The following KCNIP1 variants were observed in gnomAD, a reference collection of about 807,000 sequenced individuals.
KCNIP1 encodes the protein potassium voltage-gated channel interacting protein 1.
A neutral mutation model predicts 33.0 loss-of-function variants in KCNIP1; 18 were observed. The ratio of observed to expected loss-of-function variants is 0.55; its 90% confidence interval spans 0.38 to 0.81. KCNIP1 has a LOEUF of 0.81. Among genes scored for constraint, KCNIP1 ranks in the 30% least tolerant of loss-of-function variants. The pLI, the probability that KCNIP1 is intolerant of heterozygous loss-of-function variation, is 0.00. For synonymous variants in KCNIP1, 93 were observed against 98.3 expected (o/e 0.95, Z 0.32); for missense variants, 238 against 271.6 (o/e 0.88, Z 0.87).
At chr5:170,378,750 A>T in intron 1 of KCNIP1, 1 of 1,614,102 alleles carries the variant, frequency 6.2e-7, no homozygotes, top group Middle Eastern at 1.6e-4. Flanking sequence ...GCTCTTCACC[A>T]TGGCGATAAT....
At chr5:170,532,312 T>C (rs2113349187) in intron 1 of KCNIP1, among the ~76,000 whole-genome samples, 1 of 152,280 alleles carries the variant, frequency 6.6e-6, no homozygotes, top group Admixed American at 6.5e-5. Flanking sequence ...CAACTTAGGT[T>C]CCCCTCCCTA....
In KCNIP1 at chr5:170,600,561, A is replaced by G. The variant is rs557292729; in HGVS notation, c.61+95928A>G. On this transcript the variant is annotated intron_variant, in intron 1 of 7. Transcript: ENST00000328939. ...CCCACGCCTACCTCCTCTCTACCTC[A>G]CCCACCCTGGACAGACCCTCACACC... is the stretch of plus-strand genomic sequence containing the variant. Among the ~76,000 whole-genome samples the G allele has an allele frequency of 3.1e-4, 47 of 151,628 alleles. 1 individual carries two copies. The highest frequency in any genetic ancestry group is 6.8e-3 in the Middle Eastern group (2 of 294).
intron 1 of KCNIP1, chr5:170,383,460 T>A (rs1764334612): frequency 3.2e-6 from 2 of 621,062 alleles, no homozygotes. Context: ...AGAGGCTAAG[T>A]GGCCTGCCTA....
At chr5:170,481,529 C>CA (rs1371855002) in intron 1 of KCNIP1, among the ~76,000 whole-genome samples, 1 of 152,178 alleles carries the variant, frequency 6.6e-6, no homozygotes, top group Non-Finnish European at 1.5e-5. Context: ...GTAAAAATGT[C>CA]AAACACATTT....
At chr5:170,580,569 G>T (rs1007937379) in intron 1 of KCNIP1, among the ~76,000 whole-genome samples, 1 of 152,126 alleles carries the variant, frequency 6.6e-6, no homozygotes, top group African/African-American at 2.4e-5. Context: ...ACCATACCCG[G>T]ATGGTCATGT....
At chr5:170,705,382 A>C (rs1763224137) in intron 1 of KCNIP1, among the ~76,000 whole-genome samples, 1 of 152,192 alleles carries the variant, frequency 6.6e-6, no homozygotes, top group Admixed American at 6.5e-5. Flanking sequence ...TTCATGTTCC[A>C]GTGGAGGGTA....
Position 170,715,610 on chromosome 5 carries a change from A to G in KCNIP1, c.62-3148A>G, listed in dbSNP as rs372864737. ...TTAGAAAATCACTTCTTAATATCAC[A>G]TGCGCAGGGCAATGGTCCCCTCACT... On this transcript the variant is annotated intron_variant, in intron 1 of 7. Coordinates refer to ENST00000328939, the MANE Select transcript of KCNIP1 (RefSeq NM_014592.4). Among the ~76,000 whole-genome samples, 3 of 152,326 alleles carry G rather than the reference A, an allele frequency of 2.0e-5. No individual in the cohort carries two copies. In the South Asian group the frequency reaches 6.2e-4, roughly 32 times the overall value.
chr5:170,424,986 A>C (rs2113436147), intron 1 of KCNIP1, among the ~76,000 whole-genome samples: 1 of 151,988 alleles, frequency 6.6e-6, no homozygotes, highest in South Asian at 2.1e-4. Context: ...TCCTCCTCAG[A>C]CCCTTCCCAT....
At chr5:170,391,590 T>A (rs1329026329) in intron 1 of KCNIP1, among the ~76,000 whole-genome samples, 1 of 152,162 alleles carries the variant, frequency 6.6e-6, no homozygotes, top group Admixed American at 6.5e-5. Flanking sequence ...TAGTACGGGG[T>A]GTCAGAGATC....
chr5:170,640,774 C>T (rs928892828), intron 1 of KCNIP1, among the ~76,000 whole-genome samples: 1 of 152,170 alleles, frequency 6.6e-6, no homozygotes, highest in African/African-American at 2.4e-5. Flanking sequence ...CCCCAACACG[C>T]CTTCTTGTCT....
chr5:170,356,886 G>A (rs1400658400), intron 1 of KCNIP1, among the ~76,000 whole-genome samples: 1 of 152,186 alleles, frequency 6.6e-6, no homozygotes. Flanking sequence ...GCTCTCTGAA[G>A]TCTGTTTAGC....
chr5:170,656,122 G>A (rs891388304), intron 1 of KCNIP1, among the ~76,000 whole-genome samples: 3 of 152,172 alleles, frequency 2.0e-5, no homozygotes, highest in Non-Finnish European at 4.4e-5. Flanking sequence ...CAGGGAGGAT[G>A]TGACCTCTAA....
chr5:170,395,295 C>A (rs1050901535), intron 1 of KCNIP1, among the ~76,000 whole-genome samples: 1 of 152,182 alleles, frequency 6.6e-6, no homozygotes, highest in Admixed American at 6.5e-5. Flanking sequence ...GCTATTCTGA[C>A]TGGTACGAGG....
At position 170,426,247 on chromosome 5, in the gene KCNIP1, T is replaced by TCACACACACACA. The variant is rs143211356; in HGVS notation, c.88+72298_88+72309dup. The stretch of plus-strand genomic sequence containing the variant: ...CTAATGCTTTGTGACTCAAAAGGAA[T>TCACACACACACA]CACACACACACACACACACACACAC... On this transcript the variant is annotated intron_variant, in intron 1 of 7. Coordinates refer to the KCNIP1 transcript ENST00000377360. Among the ~76,000 whole-genome samples, 1,361 of 149,252 alleles carry TCACACACACACA rather than the reference T, an allele frequency of 9.1e-3. 8 individuals are homozygous for TCACACACACACA. The highest frequency in any genetic ancestry group is 0.013 in the African/African-American group (534 of 40,390).
At chr5:170,473,482 A>G (rs1479604480) in intron 1 of KCNIP1, among the ~76,000 whole-genome samples, 1 of 152,238 alleles carries the variant, frequency 6.6e-6, no homozygotes, top group Admixed American at 6.5e-5. Context: ...GGCCAACTCC[A>G]GAGTCTACCT....
At position 170,646,959 on chromosome 5, in the gene KCNIP1, AG is replaced by A. The variant is rs535996581; in HGVS notation, c.62-71798del. On this transcript the variant is annotated intron_variant, in intron 1 of 7. Coordinates refer to ENST00000328939, the MANE Select transcript of KCNIP1 (RefSeq NM_014592.4). ...TCCTATATACCAGCAATGAACAAGT[AG>A]AATATGAAATTTAAAACACACTACC... Among the ~76,000 whole-genome samples, 62 of 152,322 alleles carry A rather than the reference AG, an allele frequency of 4.1e-4. 1 individual carries two copies. The South Asian group carries it at 5.4e-3, about 13-fold the overall frequency.
At chr5:170,468,342 A>G (rs1756652139) in intron 1 of KCNIP1, among the ~76,000 whole-genome samples, 2 of 152,248 alleles carry the variant, frequency 1.3e-5, no homozygotes, top group Non-Finnish European at 2.9e-5. Flanking sequence ...ACATTTGTAA[A>G]TGAGACGAAA....
intron 1 of KCNIP1, among the ~76,000 whole-genome samples, chr5:170,455,782 A>G (rs1426461903): frequency 6.6e-6 from 1 of 152,268 alleles, no homozygotes; most frequent in African/African-American, 2.4e-5. Flanking sequence ...TTTATGCAAT[A>G]TAGCTAAAGC....
intron 1 of KCNIP1, among the ~76,000 whole-genome samples, chr5:170,621,359 C>T (rs757255045): frequency 1.7e-4 from 21 of 120,302 alleles, no homozygotes; most frequent in Non-Finnish European, 3.5e-4. Context: ...GGGGCTGCAA[C>T]GTTCCTCAGT....
Sources: allele counts gnomAD v4.1 joint callset (sites outside exome capture counted in the v4.1 genomes callset), GRCh38; gene constraint gnomAD v4.1.1; transcripts MANE v1.5; gene names NCBI Gene and HGNC (gene_info 2026-07-23, HGNC 2026-07-21).